Variants in CDH18 observed in about 807,000 individuals in gnomAD.
The protein encoded by CDH18 is cadherin 18, also known as cadherin-18.
CDH18 carries 31 observed loss-of-function variants against 67.9 expected under a neutral mutation model. That is an observed-to-expected ratio of 0.46 (90% CI 0.34 to 0.62). CDH18 has a LOEUF of 0.62. Ranked by LOEUF, CDH18 falls within the 20% of genes least tolerant of loss-of-function variation. The pLI is 0.01. For synonymous variants in CDH18, 362 were observed against 347.2 expected, an observed-to-expected ratio of 1.04 and a Z score of -0.48; for missense variants, 890 against 975.5, an observed-to-expected ratio of 0.91 and a Z score of 1.17.
intron 2 of CDH18, among the ~76,000 whole-genome samples, chr5:19,842,321 AG>A (rs1406829500): frequency 3.3e-5 from 5 of 152,164 alleles, no homozygotes; most frequent in African/African-American, 1.2e-4. Context: ...ATTTTGGGAA[AG>A]GGACCTCATG....
rs373395965 is a variant in CDH18, at chr5:20,240,421, A to G, written c.-518+15023T>C. On this transcript the variant is annotated intron_variant, in intron 2 of 14. Coordinates refer to the CDH18 transcript ENST00000507958. Reference sequence around the variant, plus strand: ...TGCATAAATTTATTTTCTAAATTTTATAAATTTGAAGAATGCATCACACAT... The same window carrying G: ...TGCATAAATTTATTTTCTAAATTTTGTAAATTTGAAGAATGCATCACACAT... Among the ~76,000 whole-genome samples, 490 of 152,294 alleles carry G rather than the reference A, an allele frequency of 3.2e-3. 7 individuals carry two copies. Among genetic ancestry groups the G allele is most frequent in the South Asian group, 0.026 (124 of 4,830 alleles).
At chr5:19,787,809 T>TTATATATATATATA (rs35850823) in intron 3 of CDH18, among the ~76,000 whole-genome samples, 2,263 of 144,248 alleles carry the variant, frequency 0.016, 28 homozygotes, top group Middle Eastern at 0.037. Flanking sequence ...TAATTTACAG[T>TTATATATATATATA]TATATATATA....
At chr5:20,560,312 C>T (rs1302842383) in intron 1 of CDH18, among the ~76,000 whole-genome samples, 5 of 151,896 alleles carry the variant, frequency 3.3e-5, no homozygotes, top group Non-Finnish European at 5.9e-5. Context: ...GATTGTTAGT[C>T]ACAATCATAT....
At chr5:20,415,447 AC>A (rs1384950414) in intron 1 of CDH18, among the ~76,000 whole-genome samples, 5 of 152,212 alleles carry the variant, frequency 3.3e-5, no homozygotes, top group African/African-American at 1.2e-4. Context: ...TGTAGTACAT[AC>A]ATACAGTGGA....
chr5:19,925,013 A>G (rs1226625820), intron 2 of CDH18, among the ~76,000 whole-genome samples: 1 of 152,328 alleles, frequency 6.6e-6, no homozygotes, highest in East Asian at 1.9e-4. Flanking sequence ...AGCAACTGAC[A>G]GTCTACTGTG....
At chr5:20,098,115 T>G (rs568679726) in intron 2 of CDH18, among the ~76,000 whole-genome samples, 1 of 152,156 alleles carries the variant, frequency 6.6e-6, no homozygotes, top group African/African-American at 2.4e-5. Context: ...CAAAAATTAA[T>G]TTTATCCATC....
At chr5:20,007,277 T>TTAA (rs1213137211) in intron 2 of CDH18, among the ~76,000 whole-genome samples, 1 of 151,922 alleles carries the variant, frequency 6.6e-6, no homozygotes, top group Non-Finnish European at 1.5e-5. Flanking sequence ...ATTCAATTGA[T>TTAA]TATAGAGACT....
intron 1 of CDH18, among the ~76,000 whole-genome samples, chr5:20,391,092 A>G (rs1459879204): frequency 6.6e-6 from 1 of 152,094 alleles, no homozygotes; most frequent in African/African-American, 2.4e-5. Flanking sequence ...TATGTAACTA[A>G]CCTGCACGTT....
chr5:20,374,029 C>T (rs1339804763), intron 1 of CDH18, among the ~76,000 whole-genome samples: 1 of 152,114 alleles, frequency 6.6e-6, no homozygotes, highest in Non-Finnish European at 1.5e-5. Context: ...TAACCCTACT[C>T]ATGTTATTAT....
At position 19,502,978 on chromosome 5, in the gene CDH18, G is replaced by T; in HGVS notation, c.1630+14C>A. ...ATACCACATAGATAAACAAATATGT[G>T]TATATATGTTCACCTTCATTGTCCT... On this transcript the variant is annotated intron_variant, in intron 11 of 12. Coordinates refer to ENST00000382275, the MANE Select transcript of CDH18 (RefSeq NM_004934.5). 1 of 1,357,554 alleles carries T rather than the reference G, an allele frequency of 7.4e-7. No individual in the cohort carries two copies. Among genetic ancestry groups the T allele is most frequent in the Non-Finnish European group, 1.1e-6 (1 of 946,316 alleles). 84.1% of individuals were successfully genotyped at this position (1,357,554 alleles called of 1,614,324 possible). A position where few individuals can be genotyped will look rare whatever the true frequency, so the allele number is the denominator to read the frequency against.
chr5:20,405,424 A>G (rs1176896924), intron 1 of CDH18, among the ~76,000 whole-genome samples: 1 of 152,212 alleles, frequency 6.6e-6, no homozygotes, highest in Non-Finnish European at 1.5e-5. Flanking sequence ...TACACCTTAT[A>G]CAAAAATTAA....
intron 2 of CDH18, among the ~76,000 whole-genome samples, chr5:20,249,081 G>A (rs2940459): frequency 0.3 from 45,463 of 152,028 alleles, 7,468 homozygotes; most frequent in Non-Finnish European, 0.37. Context: ...AAAGTACAGC[G>A]AAGTATTTAT....
intron 10 of CDH18, among the ~76,000 whole-genome samples, chr5:19,506,678 C>T (rs549556067): frequency 6.6e-6 from 1 of 152,122 alleles, no homozygotes; most frequent in East Asian, 1.9e-4. Flanking sequence ...TTAATAAATG[C>T]TGCTGGGAAA....
chr5:20,261,463 G>A (rs190257100), intron 1 of CDH18, among the ~76,000 whole-genome samples: 3 of 152,184 alleles, frequency 2.0e-5, no homozygotes, highest in South Asian at 2.1e-4. Context: ...GCTAGAGGTC[G>A]GGCGTGGTGG....
Position 19,848,671 on chromosome 5 carries a change from G to T in CDH18, c.-256-9429C>A, listed in dbSNP as rs181263090. Among the ~76,000 whole-genome samples, 109 of 152,002 alleles carry T rather than the reference G, an allele frequency of 7.2e-4. 3 individuals carry two copies. Among genetic ancestry groups the T allele is most frequent in the African/African-American group, 2.6e-3 (107 of 41,494 alleles). Reference sequence around the variant, plus strand: ...AAAGTCATTCTAGCTTCCATGAGGAGAATGCAATATAGGGCACCAAGAAGA... The same window carrying T: ...AAAGTCATTCTAGCTTCCATGAGGATAATGCAATATAGGGCACCAAGAAGA... On this transcript the variant is annotated intron_variant, in intron 2 of 12. Coordinates refer to ENST00000382275, the MANE Select transcript of CDH18 (RefSeq NM_004934.5).
chr5:19,481,499 C>T (rs866671682), intron 12 of CDH18, among the ~76,000 whole-genome samples: 12 of 152,182 alleles, frequency 7.9e-5, no homozygotes, highest in African/African-American at 2.9e-4. Context: ...GGTTTCCCTA[C>T]ATGCCCTCTT....
intron 1 of CDH18, among the ~76,000 whole-genome samples, chr5:20,279,531 T>C (rs902166970): frequency 6.6e-6 from 1 of 151,072 alleles, no homozygotes; most frequent in Non-Finnish European, 1.5e-5. Context: ...AAACCCTGTC[T>C]CTATTAAAAC....
rs77134721 is a variant in CDH18, at chr5:20,397,624, C to G, written c.-579-142119G>C. Among the ~76,000 whole-genome samples, 12 of 152,172 alleles carry G rather than the reference C, an allele frequency of 7.9e-5. No homozygotes were observed. The East Asian group carries it at 2.3e-3, about 29-fold the overall frequency. The stretch of plus-strand genomic sequence containing the variant: ...TGATCATGTACTTTTTAGACTACCG[C>G]TGTCAGACAGAAAGATAATACAAAG... On this transcript the variant is annotated intron_variant, in intron 1 of 14. Transcript: ENST00000507958.
At chr5:19,832,960 T>C (rs1373399676) in intron 3 of CDH18, among the ~76,000 whole-genome samples, 3 of 152,206 alleles carry the variant, frequency 2.0e-5, no homozygotes, top group Admixed American at 2.0e-4. Context: ...GGTAATGTGA[T>C]GCCTCTAGCT....
Sources: allele counts gnomAD v4.1 joint callset (sites outside exome capture counted in the v4.1 genomes callset), GRCh38; gene constraint gnomAD v4.1.1; transcripts MANE v1.5; gene names NCBI Gene and HGNC (gene_info 2026-07-23, HGNC 2026-07-21).